The following TSNARE1 variants were observed in gnomAD, a reference collection of about 807,000 sequenced individuals.
TSNARE1 encodes t-SNARE domain-containing protein 1.
TSNARE1 carries 49 observed loss-of-function variants against 62.0 expected under a neutral mutation model. The observed-to-expected ratio is 0.79, with a 90% CI of 0.63 to 1.00. TSNARE1 has a LOEUF of 1.00. Ranked by LOEUF, TSNARE1 falls within the 50% of genes least tolerant of loss-of-function variation. The probability of loss-of-function intolerance (pLI) is 0.00; values close to 1 mark genes in which losing one functional copy is unlikely to be tolerated. For synonymous variants in TSNARE1, 328 were observed against 294.4 expected (o/e 1.11, Z -1.17); for missense variants, 755 against 700.1 (o/e 1.08, Z -0.88).
chr8:142,256,364 CCAT>C (rs1471921593), intron 12 of TSNARE1, among the ~76,000 whole-genome samples: 5 of 126,662 alleles, frequency 3.9e-5, no homozygotes, highest in Non-Finnish European at 5.2e-5. Flanking sequence ...ATTATCACCA[CCAT>C]CATCACCACC....
At chr8:142,354,287 T>G (rs1563975975) in intron 2 of TSNARE1, among the ~76,000 whole-genome samples, 1 of 152,072 alleles carries the variant, frequency 6.6e-6, no homozygotes, top group Admixed American at 6.5e-5. Context: ...AAGTGCCACC[T>G]GCTCCACACC....
At chr8:142,331,953 G>A in intron 4 of TSNARE1, 122 bp from the exon 5 acceptor site, 1 of 950,132 alleles carries the variant, frequency 1.1e-6, no homozygotes. Flanking sequence ...GAGTGGCCCT[G>A]AACCCCCTCA....
chr8:142,398,527 C>T (rs1249733488), intron 1 of TSNARE1, among the ~76,000 whole-genome samples: 1 of 152,118 alleles, frequency 6.6e-6, no homozygotes, highest in East Asian at 1.9e-4. Context: ...CTCTCCACCT[C>T]CTCACTCCAC....
chr8:142,255,018 G>C (rs1171559681), intron 12 of TSNARE1, among the ~76,000 whole-genome samples: 3 of 152,086 alleles, frequency 2.0e-5, no homozygotes, highest in Non-Finnish European at 4.4e-5. Context: ...CCACCTTTGA[G>C]GATCTTGAGG....
intron 1 of TSNARE1, among the ~76,000 whole-genome samples, chr8:142,355,659 T>TAA (rs1460381037): frequency 2.0e-5 from 3 of 152,192 alleles, no homozygotes; most frequent in Admixed American, 1.3e-4. Context: ...GCCTACACCC[T>TAA]AATGCTATCA....
At chr8:142,215,470 C>T (rs934699666) in intron 13 of TSNARE1, among the ~76,000 whole-genome samples, 1 of 152,134 alleles carries the variant, frequency 6.6e-6, no homozygotes, top group African/African-American at 2.4e-5. Flanking sequence ...CACATGTGTC[C>T]CCCAAGATTG....
At chr8:142,272,942 C>T (rs1253571935) in intron 12 of TSNARE1, 15 of 985,358 alleles carry the variant, frequency 1.5e-5, no homozygotes, top group Non-Finnish European at 1.7e-5. Flanking sequence ...GAGGCAACTT[C>T]ACAGATGCCT....
intron 7 of TSNARE1, among the ~76,000 whole-genome samples, chr8:142,317,336 TGGCCAGCGGCTCACACTGTACGC>T (rs1563900341): frequency 2.2e-5 from 3 of 139,172 alleles, no homozygotes; most frequent in Admixed American, 7.1e-5. Context: ...GAAGCGGGTA[TGGCCAGCGGCTCACACTGTACGC>T]GTGAAGCGGG....
At chr8:142,250,091 A>C (rs1401079439) in intron 12 of TSNARE1, among the ~76,000 whole-genome samples, 1 of 151,992 alleles carries the variant, frequency 6.6e-6, no homozygotes, top group Non-Finnish European at 1.5e-5. Flanking sequence ...GCCGCATGAG[A>C]CCTGCTGGAG....
chr8:142,272,271 T>C (rs1415898749), intron 12 of TSNARE1, among the ~76,000 whole-genome samples: 2 of 151,656 alleles, frequency 1.3e-5, no homozygotes, highest in East Asian at 3.9e-4. Flanking sequence ...TACACCTTCC[T>C]CCTTCCACCT....
chr8:142,311,290 G>GTTTTTTT (rs58755110), intron 9 of TSNARE1, among the ~76,000 whole-genome samples: 53 of 57,348 alleles, frequency 9.2e-4, no homozygotes, highest in Admixed American at 2.1e-3. Context: ...AGCCTCTCTA[G>GTTTTTTT]TTTTTTTTTT....
At chr8:142,289,542 C>T (rs1307671552) in intron 10 of TSNARE1, among the ~76,000 whole-genome samples, 1 of 152,162 alleles carries the variant, frequency 6.6e-6, no homozygotes, top group Non-Finnish European at 1.5e-5. Context: ...CCACATCAGC[C>T]ACACGAGCTG....
intron 6 of TSNARE1, among the ~76,000 whole-genome samples, chr8:142,326,556 C>T (rs13256632): frequency 0.1 from 9,042 of 90,032 alleles, 605 homozygotes; most frequent in South Asian, 0.13. Context: ...CCAGCACCAG[C>T]GAAGGGGAGG....
At chr8:142,282,613 G>A (rs1185915754) in intron 11 of TSNARE1, among the ~76,000 whole-genome samples, 4 of 119,624 alleles carry the variant, frequency 3.3e-5, no homozygotes, top group South Asian at 2.7e-4. Flanking sequence ...CAGAGGGGAG[G>A]CCACTGTCTG....
Position 142,284,488 on chromosome 8 carries a change from G to C in TSNARE1, c.1291-3C>G, listed in dbSNP as rs201624997. On this transcript the variant is annotated splice_region_variant and splice_polypyrimidine_tract_variant and intron_variant, in intron 10 of 13. Transcript: ENST00000524325. ...TGATTCACATCCAGCAAGTTGCTCT[G>C]TGGAAACAACATAGAACCACATCAG... 6.2e-7 allele frequency: 1 copy of C among 1,613,324 alleles called. No individual in the cohort carries two copies. Among genetic ancestry groups the C allele is most frequent in the African/African-American group, 1.3e-5 (1 of 75,044 alleles).
rs1421878746 is a variant in TSNARE1, at chr8:142,291,317, G to A, written c.1291-6832C>T. On this transcript the variant is annotated intron_variant, in intron 10 of 13. Coordinates refer to ENST00000524325, the MANE Select transcript of TSNARE1 (RefSeq NM_145003.5). The surrounding 1 kb of genome is among the most constrained non-coding windows in gnomAD (Gnocchi z 4.8). ...CTCGAATCCCAGCTCCATGGCGTGT[G>A]AGCTGTGTGACCCTGGGCAAGCGAT... is the stretch of plus-strand genomic sequence containing the variant. 6.6e-6 allele frequency among the ~76,000 whole-genome samples: 1 copy of A among 152,094 alleles called. No individual in the cohort carries two copies. Among genetic ancestry groups the A allele is most frequent in the Admixed American group, 6.5e-5 (1 of 15,278 alleles).
chr8:142,260,643 C>T (rs894778043), intron 12 of TSNARE1, among the ~76,000 whole-genome samples: 3 of 152,204 alleles, frequency 2.0e-5, no homozygotes, highest in Non-Finnish European at 4.4e-5. Flanking sequence ...GACCTCTCTG[C>T]ATGTCTTCAT....
intron 12 of TSNARE1, among the ~76,000 whole-genome samples, chr8:142,253,852 A>G (rs1236336447): frequency 6.6e-6 from 1 of 152,170 alleles, no homozygotes; most frequent in Non-Finnish European, 1.5e-5. Flanking sequence ...TGGACTCCCG[A>G]GCCCGGAACA....
intron 2 of TSNARE1, among the ~76,000 whole-genome samples, chr8:142,354,032 G>A (rs994306765): frequency 7.9e-5 from 12 of 152,272 alleles, no homozygotes; most frequent in African/African-American, 2.6e-4. Context: ...GTGAAGGGCC[G>A]GATGTGCAGG....
Sources: gnomAD v4.1 joint callset for allele counts (sites outside exome capture counted in the v4.1 genomes callset) on GRCh38, gnomAD v4.1.1 for gene constraint, Gnocchi (gnomAD v3.1) non-coding constraint, MANE v1.5 for transcripts, NCBI Gene and HGNC (gene_info 2026-07-23, HGNC 2026-07-21) for gene names.